RORA: variants seen among roughly 807,000 people sequenced by gnomAD.
The protein encoded by RORA is RAR related orphan receptor A.
Under a neutral mutation model 69.5 loss-of-function variants are expected in RORA, and 7 were observed. That is an observed-to-expected ratio of 0.10 (90% CI 0.06 to 0.19). The LOEUF (loss-of-function observed/expected upper bound fraction) is 0.19. RORA is among the 10% of genes least tolerant of loss of function. The pLI, the probability that RORA is intolerant of heterozygous loss-of-function variation, is 1.00. For synonymous variants in RORA, 261 were observed against 240.8 expected (o/e 1.08, Z -0.78); for missense variants, 457 against 663.0 (o/e 0.69, Z 3.41).
intron 2 of RORA, among the ~76,000 whole-genome samples, chr15:60,533,451 T>C (rs2066587436): frequency 6.6e-6 from 1 of 152,054 alleles, no homozygotes; most frequent in South Asian, 2.1e-4. Flanking sequence ...GTCTGCCTCA[T>C]GTTAACACTT....
At chr15:60,805,441 G>A (rs1480769756) in intron 1 of RORA, among the ~76,000 whole-genome samples, 6 of 152,208 alleles carry the variant, frequency 3.9e-5, no homozygotes. Context: ...CAGAAGGGAG[G>A]AGTCAGGAGT....
chr15:60,505,862 C>T (rs74020728), intron 5 of RORA, among the ~76,000 whole-genome samples: 8,130 of 152,118 alleles, frequency 0.053, 746 homozygotes, highest in African/African-American at 0.19. Flanking sequence ...CTTCAAAGAC[C>T]CTCCTGACTT....
chr15:61,075,493 C>G (rs933517118), intron 1 of RORA, among the ~76,000 whole-genome samples: 2 of 152,166 alleles, frequency 1.3e-5, no homozygotes, highest in African/African-American at 4.8e-5. Context: ...GTCTGTGCTT[C>G]TCATTGGTAG....
At chr15:61,031,564 T>G (rs1036700530) in intron 1 of RORA, among the ~76,000 whole-genome samples, 1 of 152,152 alleles carries the variant, frequency 6.6e-6, no homozygotes, top group Non-Finnish European at 1.5e-5. Context: ...AAGTTCTTCT[T>G]GGCAAATTGG....
chr15:60,552,471 ATGTATAGAGCAGGAACC>A (rs1394979143), intron 2 of RORA, among the ~76,000 whole-genome samples: 2 of 152,136 alleles, frequency 1.3e-5, no homozygotes, highest in Admixed American at 1.3e-4. Flanking sequence ...TAAGAATAAG[ATGTATAGAGCAGGAACC>A]TGTCATTCTT....
At chr15:61,130,624 A>C (rs1341666898) in intron 1 of RORA, among the ~76,000 whole-genome samples, 1 of 152,222 alleles carries the variant, frequency 6.6e-6, no homozygotes, top group Non-Finnish European at 1.5e-5. Flanking sequence ...CTCCTCCATA[A>C]AATGGAGATA....
At chr15:60,529,059 A>T (rs1005472235) in intron 3 of RORA, 2 of 152,244 alleles carry the variant, frequency 1.3e-5, no homozygotes, top group African/African-American at 2.4e-5. Flanking sequence ...AATGCTTAGC[A>T]ACTATGTGCC....
At chr15:60,987,115 AG>A (rs1452893419) in intron 1 of RORA, among the ~76,000 whole-genome samples, 2 of 152,182 alleles carry the variant, frequency 1.3e-5, no homozygotes, top group Non-Finnish European at 2.9e-5. Flanking sequence ...TGATATTGGT[AG>A]CATGCTGAGG....
At chr15:61,066,879 C>CAA (rs33936803) in intron 1 of RORA, among the ~76,000 whole-genome samples, 41 of 71,274 alleles carry the variant, frequency 5.8e-4, no homozygotes, top group African/African-American at 7.3e-4. Context: ...TTCATAAGAC[C>CAA]AAAAAAAAAA....
intron 1 of RORA, among the ~76,000 whole-genome samples, chr15:60,714,894 C>T (rs1023123967): frequency 3.9e-5 from 6 of 152,094 alleles, no homozygotes; most frequent in African/African-American, 1.2e-4. Context: ...GTATGAGGCC[C>T]TCTTTTCACA....
intron 1 of RORA, among the ~76,000 whole-genome samples, chr15:61,051,402 T>G (rs1566964609): frequency 6.6e-6 from 1 of 152,196 alleles, no homozygotes; most frequent in Non-Finnish European, 1.5e-5. Context: ...CTTGCAAGCC[T>G]GAGCTCCACT....
chr15:60,595,410 G>A (rs189823407), intron 2 of RORA, among the ~76,000 whole-genome samples: 509 of 151,968 alleles, frequency 3.3e-3, no homozygotes, highest in Non-Finnish European at 5.5e-3. Flanking sequence ...TACTACTCGC[G>A]AGGCTGAGGC....
intron 1 of RORA, among the ~76,000 whole-genome samples, chr15:61,195,203 G>A (rs142197414): frequency 6.6e-6 from 1 of 152,104 alleles, no homozygotes; most frequent in East Asian, 1.9e-4. Context: ...CTGCTGTCAG[G>A]ATGGATGTTA....
chr15:60,935,069 CA>C (rs1892480983), intron 1 of RORA, among the ~76,000 whole-genome samples: 2 of 152,230 alleles, frequency 1.3e-5, no homozygotes, highest in South Asian at 2.1e-4. Flanking sequence ...ATGAATCCCA[CA>C]GGGGGCCCTC....
Position 60,499,881 on chromosome 15 carries a change from T to C in RORA, c.1407+11A>G, listed in dbSNP as rs2065276047. The C allele has an allele frequency of 4.0e-6, 6 of 1,511,756 alleles. No homozygotes were observed. The highest frequency in any genetic ancestry group is 5.5e-6 in the Non-Finnish European group (6 of 1,092,148). 93.6% of individuals were successfully genotyped at this position (1,511,756 alleles called of 1,614,324 possible). On this transcript the variant is annotated intron_variant, in intron 10 of 10. Transcript: ENST00000335670. ...TTCAGGCCATGCCAACTAGAAGCCT[T>C]TGGCACTCACCTTTGTTAGTATTCC...
At chr15:61,152,500 A>G (rs571816379) in intron 1 of RORA, among the ~76,000 whole-genome samples, 4 of 150,460 alleles carry the variant, frequency 2.7e-5, no homozygotes, top group Non-Finnish European at 5.9e-5. Flanking sequence ...ATAAAATATT[A>G]TATGTAAATA....
chr15:61,070,390 C>A (rs2078323919), intron 1 of RORA, among the ~76,000 whole-genome samples: 1 of 152,194 alleles, frequency 6.6e-6, no homozygotes, highest in Non-Finnish European at 1.5e-5. Context: ...AGCTAGAAAT[C>A]CACCACCAGG....
At chr15:61,101,129 A>G (rs1394061732) in intron 1 of RORA, among the ~76,000 whole-genome samples, 1 of 152,250 alleles carries the variant, frequency 6.6e-6, no homozygotes, top group East Asian at 1.9e-4. Flanking sequence ...ACAGAGTCAC[A>G]GCAACCTGTT....
chr15:60,888,188 CTGT>C (rs769058385), intron 1 of RORA, among the ~76,000 whole-genome samples: 2 of 152,200 alleles, frequency 1.3e-5, no homozygotes, highest in Non-Finnish European at 2.9e-5. Context: ...CAAGGGCTTT[CTGT>C]TGTTGTTGTA....
Sources: allele counts gnomAD v4.1 joint callset (sites outside exome capture counted in the v4.1 genomes callset), GRCh38; gene constraint gnomAD v4.1.1; transcripts MANE v1.5; gene names NCBI Gene and HGNC (gene_info 2026-07-23, HGNC 2026-07-21).